CASQ2: variants seen among roughly 807,000 people sequenced by gnomAD.
CASQ2 encodes calsequestrin 2, also known as calsequestrin-2.
A neutral mutation model predicts 46.5 loss-of-function variants in CASQ2; 49 were observed. That is an observed-to-expected ratio of 1.05 (90% CI 0.84 to 1.34). The LOEUF (loss-of-function observed/expected upper bound fraction) is 1.34. Ranked by LOEUF, CASQ2 falls within the 40% of genes most tolerant of loss-of-function variation. The probability of loss-of-function intolerance (pLI) is 0.00; values close to 1 mark genes in which losing one functional copy is unlikely to be tolerated. For synonymous variants in CASQ2, 174 were observed against 168.5 expected, an observed-to-expected ratio of 1.03 and a Z score of -0.25; for missense variants, 486 against 481.3, an observed-to-expected ratio of 1.01 and a Z score of -0.09.
At chr1:115,766,285 C>T (rs1320940726) in intron 1 of CASQ2, among the ~76,000 whole-genome samples, 3 of 152,176 alleles carry the variant, frequency 2.0e-5, no homozygotes, top group East Asian at 1.9e-4. Context: ...GTAGGTGTTA[C>T]GTACAACTGC....
intron 1 of CASQ2, among the ~76,000 whole-genome samples, chr1:115,758,833 T>A (rs1648846119): frequency 6.6e-6 from 1 of 152,204 alleles, no homozygotes; most frequent in South Asian, 2.1e-4. Context: ...AGATACCCAA[T>A]CTTCAACTTT....
At chr1:115,732,082 T>A (rs1178232305) in intron 5 of CASQ2, 2 of 151,966 alleles carry the variant, frequency 1.3e-5, no homozygotes, top group Non-Finnish European at 2.9e-5. Flanking sequence ...ACCCAGCTAA[T>A]TTTTGTATTT....
chr1:115,766,587 A>G (rs1483093509), intron 1 of CASQ2, among the ~76,000 whole-genome samples: 2 of 152,350 alleles, frequency 1.3e-5, no homozygotes, highest in East Asian at 1.9e-4. Context: ...TCCTGTGCCT[A>G]GTAGAGACAA....
At chr1:115,739,970 G>T (rs34569182) in intron 3 of CASQ2, among the ~76,000 whole-genome samples, 3 of 152,100 alleles carry the variant, frequency 2.0e-5, no homozygotes, top group Non-Finnish European at 4.4e-5. Context: ...AGCACAGTGC[G>T]TCATGAGATG....
intron 3 of CASQ2, 45 bp downstream of exon 3, chr1:115,740,683 G>A: frequency 5.0e-6 from 6 of 1,190,428 alleles, no homozygotes; most frequent in Non-Finnish European, 6.3e-6. Context: ...CCCTATATTT[G>A]AGGAGAGGCA....
intron 1 of CASQ2, among the ~76,000 whole-genome samples, chr1:115,762,868 C>T (rs1057336243): frequency 7.9e-5 from 12 of 152,114 alleles, no homozygotes; most frequent in African/African-American, 2.7e-4. Flanking sequence ...TTCCTCATCC[C>T]AGGCTGGGTG....
At chr1:115,710,765 ACTGCAACTC>A (rs1270253541) in intron 8 of CASQ2, among the ~76,000 whole-genome samples, 1 of 152,094 alleles carries the variant, frequency 6.6e-6, no homozygotes, top group Non-Finnish European at 1.5e-5. Flanking sequence ...AGCTGTGAGA[ACTGCAACTC>A]CTCTCCTGCC....
intron 5 of CASQ2, among the ~76,000 whole-genome samples, chr1:115,728,791 A>C (rs761276002): frequency 2.6e-5 from 4 of 152,140 alleles, no homozygotes; most frequent in Non-Finnish European, 5.9e-5. Context: ...ATTTGTCAGG[A>C]TCATATATCT....
chr1:115,733,605 G>A (rs1311087781), intron 4 of CASQ2, among the ~76,000 whole-genome samples: 1 of 152,118 alleles, frequency 6.6e-6, no homozygotes, highest in Non-Finnish European at 1.5e-5. Context: ...TACTGGCCGA[G>A]GCAGTATGAG....
intron 1 of CASQ2, among the ~76,000 whole-genome samples, chr1:115,745,205 C>G (rs892320117): frequency 4.6e-5 from 7 of 152,096 alleles, no homozygotes; most frequent in Admixed American, 2.0e-4. Context: ...GTAGATAAAA[C>G]CTGGATCGGG....
chr1:115,757,360 A>G (rs964075343), intron 1 of CASQ2, among the ~76,000 whole-genome samples: 4 of 152,206 alleles, frequency 2.6e-5, no homozygotes, highest in African/African-American at 9.6e-5. Flanking sequence ...TATGGGCTCT[A>G]TGAGAGGCTT....
At chr1:115,706,238 T>A (rs781616348) in intron 8 of CASQ2, among the ~76,000 whole-genome samples, 14 of 152,154 alleles carry the variant, frequency 9.2e-5, no homozygotes, top group Non-Finnish European at 1.9e-4. Flanking sequence ...ACAAGCCATG[T>A]GTGCATGTGT....
chr1:115,749,675 C>T (rs1028378261), intron 1 of CASQ2, among the ~76,000 whole-genome samples: 5 of 152,208 alleles, frequency 3.3e-5, no homozygotes, highest in African/African-American at 1.2e-4. Flanking sequence ...CCAAGGGTGC[C>T]AGGTAGGTGA....
chr1:115,705,746 C>T (rs1654339870), intron 8 of CASQ2, among the ~76,000 whole-genome samples: 1 of 152,154 alleles, frequency 6.6e-6, no homozygotes, highest in Non-Finnish European at 1.5e-5. Flanking sequence ...ATTGCTAAAA[C>T]CTTCAAACCA....
In CASQ2 at chr1:115,740,671, C is replaced by A. The variant is rs909836451; in HGVS notation, c.420+57G>T. ...TTGTCCTTTCTTTGGGGTTCTATCT[C>A]TCCCTATATTTGAGGAGAGGCAGCT... On this transcript the variant is annotated intron_variant, in intron 3 of 10. Transcript: ENST00000261448. The A allele has an allele frequency of 2.7e-6, 3 of 1,093,662 alleles. No individual in the cohort carries two copies. The African/African-American group carries it at 4.6e-5, about 17-fold the overall frequency. 67.7% of individuals were successfully genotyped at this position (1,093,662 alleles called of 1,614,324 possible). A position where few individuals can be genotyped will look rare whatever the true frequency, so the allele number is the denominator to read the frequency against.
intron 8 of CASQ2, among the ~76,000 whole-genome samples, chr1:115,712,850 C>G (rs12746077): frequency 7.1e-6 from 1 of 140,738 alleles, no homozygotes. Flanking sequence ...AGGGAGACTG[C>G]CTCAAAAAAA....
chr1:115,753,621 G>GACTGCCA (rs1648657601), intron 1 of CASQ2, among the ~76,000 whole-genome samples: 1 of 152,160 alleles, frequency 6.6e-6, no homozygotes, highest in Non-Finnish European at 1.5e-5. Context: ...CGTGACTGCC[G>GACTGCCA]CTGGGGCTCC....
chr1:115,754,856 A>T (rs1648706597), intron 1 of CASQ2, among the ~76,000 whole-genome samples: 1 of 152,206 alleles, frequency 6.6e-6, no homozygotes, highest in Non-Finnish European at 1.5e-5. Context: ...CCAATTAACT[A>T]CAGGGCAAAC....
Position 115,717,827 on chromosome 1 carries a change from G to T in CASQ2, c.838+13C>A. On this transcript the variant is annotated intron_variant, in intron 8 of 10. Coordinates refer to ENST00000261448, the MANE Select transcript of CASQ2 (RefSeq NM_001232.4). ...TGCTAGAGCTGTAAAAGAGCAGGTT[G>T]AAGGTTTCCTACCTGGATCACTCTT... 1 of 1,592,366 alleles carries T rather than the reference G, an allele frequency of 6.3e-7. No individual in the cohort carries two copies. The highest frequency in any genetic ancestry group is 8.6e-7 in the Non-Finnish European group (1 of 1,160,402).
Sources: gnomAD v4.1 joint callset for allele counts (sites outside exome capture counted in the v4.1 genomes callset) on GRCh38, gnomAD v4.1.1 for gene constraint, MANE v1.5 for transcripts, NCBI Gene and HGNC (gene_info 2026-07-23, HGNC 2026-07-21) for gene names.